Variants in CADPS observed in about 807,000 individuals in gnomAD.
The protein encoded by CADPS is calcium-dependent secretion activator 1.
A neutral mutation model predicts 167.3 loss-of-function variants in CADPS; 57 were observed. The observed-to-expected ratio is 0.34, with a 90% CI of 0.28 to 0.42. The LOEUF (loss-of-function observed/expected upper bound fraction) is 0.42, where lower values mean the gene tolerates loss of function less well. Among genes scored for constraint, CADPS ranks in the 20% least tolerant of loss-of-function variants. The pLI is 1.00. For missense variants in CADPS, 1,414 were observed against 1,738.1 expected, an observed-to-expected ratio of 0.81 and a Z score of 3.32; for synonymous variants, 676 against 635.3, an observed-to-expected ratio of 1.06 and a Z score of -0.96.
chr3:62,705,917 A>T (rs1471995184), intron 3 of CADPS, among the ~76,000 whole-genome samples: 2 of 152,158 alleles, frequency 1.3e-5, no homozygotes, highest in Non-Finnish European at 2.9e-5. Flanking sequence ...TTGAAAACAT[A>T]TATCACATCA....
intron 8 of CADPS, among the ~76,000 whole-genome samples, chr3:62,575,367 T>C (rs933902776): frequency 4.6e-5 from 7 of 152,220 alleles, no homozygotes; most frequent in African/African-American, 1.4e-4. Flanking sequence ...AATCTGGAGA[T>C]ATGTTACCCA....
At chr3:62,752,399 C>T (rs2082900078) in intron 3 of CADPS, among the ~76,000 whole-genome samples, 1 of 152,164 alleles carries the variant, frequency 6.6e-6, no homozygotes, top group Non-Finnish European at 1.5e-5. Flanking sequence ...GAATGTGATG[C>T]ATGTGTTGTA....
At chr3:62,436,236 C>T (rs1273480953) in intron 28 of CADPS, among the ~76,000 whole-genome samples, 2 of 152,114 alleles carry the variant, frequency 1.3e-5, no homozygotes, top group African/African-American at 4.8e-5. Context: ...AGCTAAACTG[C>T]AGATTAAACA....
intron 3 of CADPS, among the ~76,000 whole-genome samples, chr3:62,676,932 C>T (rs2076425808): frequency 6.6e-6 from 1 of 152,118 alleles, no homozygotes; most frequent in African/African-American, 2.4e-5. Flanking sequence ...TGGAAGGGAT[C>T]TTATGCTCCT....
At chr3:62,764,426 C>T (rs2152495565) in intron 2 of CADPS, among the ~76,000 whole-genome samples, 1 of 152,092 alleles carries the variant, frequency 6.6e-6, no homozygotes, top group African/African-American at 2.4e-5. Context: ...TAAATTTGGA[C>T]AACTATAAAA....
chr3:62,481,149 A>G (rs1339879891), intron 22 of CADPS, among the ~76,000 whole-genome samples: 2 of 152,178 alleles, frequency 1.3e-5, no homozygotes, highest in African/African-American at 4.8e-5. Context: ...AAAGTACATA[A>G]TATATTTTTT....
intron 3 of CADPS, among the ~76,000 whole-genome samples, chr3:62,717,523 C>T (rs2084922810): frequency 6.6e-6 from 1 of 152,192 alleles, no homozygotes; most frequent in South Asian, 2.1e-4. Flanking sequence ...CAACCCATTG[C>T]TTATATTTAA....
At chr3:62,459,623 G>T (rs989135069) in intron 26 of CADPS, among the ~76,000 whole-genome samples, 1 of 152,196 alleles carries the variant, frequency 6.6e-6, no homozygotes, top group Non-Finnish European at 1.5e-5. Flanking sequence ...CCCAGATGAG[G>T]TTGGGTCCCT....
chr3:62,470,426 T>C (rs1482499572), intron 24 of CADPS, among the ~76,000 whole-genome samples: 1 of 152,230 alleles, frequency 6.6e-6, no homozygotes, highest in Non-Finnish European at 1.5e-5. Context: ...TTCCAGATAT[T>C]CTTGTTAAAT....
At chr3:62,418,645 A>G (rs1215301978) in intron 28 of CADPS, among the ~76,000 whole-genome samples, 2 of 151,736 alleles carry the variant, frequency 1.3e-5, no homozygotes, top group African/African-American at 4.8e-5. Context: ...CCGGCTGATA[A>G]ATAATGTTTT....
At chr3:62,852,595 T>C (rs896956231) in intron 1 of CADPS, among the ~76,000 whole-genome samples, 1 of 149,572 alleles carries the variant, frequency 6.7e-6, no homozygotes, top group African/African-American at 2.5e-5. Flanking sequence ...GAGAGACTTA[T>C]CAAAAAAAGA....
intron 3 of CADPS, among the ~76,000 whole-genome samples, chr3:62,686,517 G>A (rs894612662): frequency 6.6e-6 from 1 of 151,884 alleles, no homozygotes; most frequent in Non-Finnish European, 1.5e-5. Context: ...GGCTAGAGGG[G>A]AGAAATGGAG....
At chr3:62,727,965 C>T (rs778975492) in intron 3 of CADPS, among the ~76,000 whole-genome samples, 32 of 151,816 alleles carry the variant, frequency 2.1e-4, no homozygotes, top group Non-Finnish European at 4.4e-4. Context: ...CTTGTGTTTG[C>T]TTAGCTCTTA....
Position 62,753,311 on chromosome 3 carries a change from A to G in CADPS, c.888+130T>C. On this transcript the variant is annotated intron_variant, in intron 3 of 29. Coordinates refer to ENST00000383710, the MANE Select transcript of CADPS (RefSeq NM_003716.4). The surrounding 1 kb of genome is among the most constrained non-coding windows in gnomAD (Gnocchi z 4.6). Reference sequence around the variant, plus strand: ...TATACTCCAGCCTAAACTGTATTCAACTTTTTACCAGTAGAGTAATAAAAT... The same window carrying G: ...TATACTCCAGCCTAAACTGTATTCAGCTTTTTACCAGTAGAGTAATAAAAT... The G allele has an allele frequency of 1.5e-6, 1 of 667,150 alleles. No individual in the cohort carries two copies. The highest frequency in any genetic ancestry group is 2.9e-5 in the Admixed American group (1 of 34,182). 41.3% of individuals were successfully genotyped at this position (667,150 alleles called of 1,614,324 possible).
chr3:62,475,595 A>C lies in CADPS; in HGVS notation c.3330-1275T>G, dbSNP rs914686787. Among the ~76,000 whole-genome samples the C allele has an allele frequency of 2.8e-5, 4 of 142,984 alleles. No homozygotes were observed. The East Asian group carries it at 5.8e-4, about 21-fold the overall frequency. The allele number at this position is 142,984 out of a possible 152,430, so 93.8% of individuals were successfully genotyped here. A position where few individuals can be genotyped will look rare whatever the true frequency, so the allele number is the denominator to read the frequency against. Reference sequence around the variant, plus strand: ...AGCCCAGTTCTTAAGAAAAAAAAAAAAAAAAAAAAAAAAAAAACACCTAAA... The same window carrying C: ...AGCCCAGTTCTTAAGAAAAAAAAAACAAAAAAAAAAAAAAAAACACCTAAA... On this transcript the variant is annotated intron_variant, in intron 23 of 29. Coordinates refer to ENST00000383710, the MANE Select transcript of CADPS (RefSeq NM_003716.4).
In CADPS at chr3:62,491,536, A is replaced by AACACAC. The variant is rs34655412; in HGVS notation, c.2885-62_2885-57dup. On this transcript the variant is annotated intron_variant, in intron 20 of 29. Transcript: ENST00000383710. ...ACCCACAGCTACTTTATCAACGTAC[A>AACACAC]ACACACACACACACACACACAAACA... The AACACAC allele has an allele frequency of 9.9e-6, 10 of 1,005,218 alleles. No individual in the cohort carries two copies. In the African/African-American group the frequency reaches 1.7e-4, roughly 17 times the overall value. 62.3% of individuals were successfully genotyped at this position (1,005,218 alleles called of 1,614,324 possible).
At chr3:62,670,683 TA>T (rs373200558) in intron 3 of CADPS, among the ~76,000 whole-genome samples, 95 of 151,056 alleles carry the variant, frequency 6.3e-4, no homozygotes, top group African/African-American at 2.2e-3. Flanking sequence ...ATAAATACAT[TA>T]AAAAAAAACC....
At chr3:62,861,481 T>C (rs2080793650) in intron 1 of CADPS, among the ~76,000 whole-genome samples, 1 of 152,228 alleles carries the variant, frequency 6.6e-6, no homozygotes, top group South Asian at 2.1e-4. Flanking sequence ...CTTCTACATA[T>C]AGGCATTGAT....
At chr3:62,777,188 C>A (rs897078024) in intron 1 of CADPS, among the ~76,000 whole-genome samples, 1 of 152,180 alleles carries the variant, frequency 6.6e-6, no homozygotes. Flanking sequence ...GTGAACTCAT[C>A]AGTAGCAATT....
Sources: gnomAD v4.1 joint callset for allele counts (sites outside exome capture counted in the v4.1 genomes callset) on GRCh38, gnomAD v4.1.1 for gene constraint, Gnocchi (gnomAD v3.1) non-coding constraint, MANE v1.5 for transcripts, NCBI Gene and HGNC (gene_info 2026-07-23, HGNC 2026-07-21) for gene names.